Variants in FAM210A observed in about 807,000 individuals in gnomAD.
FAM210A encodes the protein mitochondrial inner membrane scaffold 1.
FAM210A carries 13 observed loss-of-function variants against 25.3 expected under a neutral mutation model. The ratio of observed to expected loss-of-function variants is 0.51; its 90% confidence interval spans 0.33 to 0.82. FAM210A has a LOEUF of 0.82. FAM210A is among the 40% of genes least tolerant of loss of function. The pLI, the probability that FAM210A is intolerant of heterozygous loss-of-function variation, is 0.02. For synonymous variants in FAM210A, 125 were observed against 118.7 expected (o/e 1.05, Z -0.35); for missense variants, 319 against 323.2 (o/e 0.99, Z 0.10).
Position 13,664,879 on chromosome 18 carries a change from A to G in FAM210A, c.*1601T>C, listed in dbSNP as rs1369980775. 3 of 152,316 alleles carry G rather than the reference A, an allele frequency of 2.0e-5. No individual in the cohort carries two copies. The highest frequency in any genetic ancestry group is 4.4e-5 in the Non-Finnish European group (3 of 68,040). 9.4% of individuals were successfully genotyped at this position (152,316 alleles called of 1,614,324 possible). On this transcript the variant is annotated 3_prime_UTR_variant, in exon 4 of 4. Transcript: ENST00000651643. ...AGACATTCTCTCGCCTTAGCAGATA[A>G]GTCAAAACAAGGACAATCTAAGAGG...
In FAM210A at chr18:13,666,624, C is replaced by T. The variant is rs773350410; in HGVS notation, c.675G>A (p.Pro225=). The change falls in exon 4 of 4, where the codon CCG becomes CCA. Residue 225 remains proline, a synonymous_variant. Coordinates refer to ENST00000651643, the MANE Select transcript of FAM210A (RefSeq NM_152352.4). ...CCTGCAGATACTCCTTGACGGGTGGCGGCGTGGACATGTAGCCATGACTGC... is the reference window on the plus strand; with the variant it reads ...CCTGCAGATACTCCTTGACGGGTGGTGGCGTGGACATGTAGCCATGACTGC... ...YLRSHGYMST[P]PPVKEYLQDR... is the part of the protein sequence containing the mutation. 35 of 1,614,062 alleles carry T rather than the reference C, an allele frequency of 2.2e-5. No homozygotes were observed. The East Asian group carries it at 3.1e-4, about 14-fold the overall frequency.
At chr18:13,669,829 T>C (rs1043619882) in intron 3 of FAM210A, among the ~76,000 whole-genome samples, 1 of 152,028 alleles carries the variant, frequency 6.6e-6, no homozygotes, top group African/African-American at 2.4e-5. Flanking sequence ...AGGCAGTCAG[T>C]GAATATATCC....
intron 2 of FAM210A, among the ~76,000 whole-genome samples, chr18:13,677,472 C>G (rs566445862): frequency 6.6e-6 from 1 of 152,248 alleles, no homozygotes; most frequent in Non-Finnish European, 1.5e-5. Flanking sequence ...GCTGCATGCA[C>G]CAGTAATCAG....
chr18:13,666,743 A>C (rs1393792545), intron 3 of FAM210A, 30 bp from the exon 4 acceptor site: 5 of 1,581,406 alleles, frequency 3.2e-6, no homozygotes, highest in South Asian at 1.1e-5. Context: ...GAGGCAAATC[A>C]AAACCTGGTT....
chr18:13,697,497 A>T (rs1183837457), intron 1 of FAM210A: 1 of 171,966 alleles, frequency 5.8e-6, no homozygotes, highest in Non-Finnish European at 1.2e-5. Context: ...TGGTGCAGCC[A>T]CTTTGGAAGA....
rs144783520 is a variant in FAM210A, at chr18:13,695,829, T to A, written c.-28-13724A>T. ...ATACATATGTAACAAACCGGCACGT[T>A]GTGCACATGTACCCTAGAACTTAAA... On this transcript the variant is annotated intron_variant, in intron 1 of 3. Coordinates refer to ENST00000651643, the MANE Select transcript of FAM210A (RefSeq NM_152352.4). 2.2e-4 allele frequency among the ~76,000 whole-genome samples: 33 copies of A among 152,238 alleles called. No homozygotes were observed. The East Asian group carries it at 2.7e-3, about 12-fold the overall frequency.
rs998199405 is a variant in FAM210A at position 13,701,102 on chromosome 18, G to C, written c.-28-18997C>G. ...CCTAAGTTTTTAACAGATGGTGTCA[G>C]AAGTGGGATCTGAAATAGAGCTTCT... On this transcript the variant is annotated intron_variant, in intron 1 of 3. Coordinates refer to ENST00000651643, the MANE Select transcript of FAM210A (RefSeq NM_152352.4). Among the ~76,000 whole-genome samples the C allele has an allele frequency of 2.6e-5, 4 of 152,218 alleles. 1 individual carries two copies. The highest frequency in any genetic ancestry group is 9.6e-5 in the African/African-American group (4 of 41,456).
At chr18:13,721,109 T>C (rs1303520965) in intron 1 of FAM210A, among the ~76,000 whole-genome samples, 1 of 152,144 alleles carries the variant, frequency 6.6e-6, no homozygotes, top group East Asian at 1.9e-4. Context: ...ATCCAATACA[T>C]AAATTTTTAG....
chr18:13,716,901 G>T (rs1490265865), intron 1 of FAM210A, among the ~76,000 whole-genome samples: 1 of 152,150 alleles, frequency 6.6e-6, no homozygotes, highest in Non-Finnish European at 1.5e-5. Context: ...TATTTTTACA[G>T]CAGTGTGAGA....
At chr18:13,725,211 A>G (rs2149073952) in intron 1 of FAM210A, among the ~76,000 whole-genome samples, 1 of 152,250 alleles carries the variant, frequency 6.6e-6, no homozygotes, top group South Asian at 2.1e-4. Flanking sequence ...ATATGCCTAT[A>G]ATGCATTCGA....
intron 2 of FAM210A, among the ~76,000 whole-genome samples, chr18:13,680,207 C>T (rs147023045): frequency 1.3e-5 from 2 of 152,232 alleles, no homozygotes; most frequent in East Asian, 1.9e-4. Context: ...GGACTGAATG[C>T]CTACAATAAC....
At chr18:13,685,517 T>C (rs1177559454) in intron 1 of FAM210A, among the ~76,000 whole-genome samples, 1 of 152,192 alleles carries the variant, frequency 6.6e-6, no homozygotes, top group African/African-American at 2.4e-5. Flanking sequence ...ACCCCTTATC[T>C]TAATTCAGAC....
At chr18:13,668,539 T>C (rs760598946) in intron 3 of FAM210A, among the ~76,000 whole-genome samples, 2 of 152,204 alleles carry the variant, frequency 1.3e-5, no homozygotes, top group Non-Finnish European at 2.9e-5. Context: ...CCACCTCCAT[T>C]TGCATATCTA....
intron 1 of FAM210A, chr18:13,714,963 T>C (rs1054358327): frequency 1.3e-5 from 2 of 152,182 alleles, no homozygotes; most frequent in African/African-American, 4.8e-5. Context: ...AAGAAATTCC[T>C]AGGAGTAGTA....
intron 2 of FAM210A, among the ~76,000 whole-genome samples, chr18:13,676,566 C>T (rs534631955): frequency 1.8e-4 from 27 of 152,340 alleles, no homozygotes; most frequent in African/African-American, 6.3e-4. Flanking sequence ...TGTGACCCTT[C>T]GCCCCTAAAT....
chr18:13,720,699 T>TA (rs200950279), intron 1 of FAM210A, among the ~76,000 whole-genome samples: 4,437 of 152,316 alleles, frequency 0.029, 77 homozygotes, highest in Middle Eastern at 0.061. Flanking sequence ...TCAGGGTCTC[T>TA]ATTTGTTTGC....
chr18:13,704,452 A>G (rs894602191), intron 1 of FAM210A, among the ~76,000 whole-genome samples: 2 of 152,212 alleles, frequency 1.3e-5, no homozygotes, highest in Admixed American at 6.5e-5. Context: ...TTTCACAAAA[A>G]TTGCAAAGGG....
chr18:13,695,424 T>C (rs960936074), intron 1 of FAM210A, among the ~76,000 whole-genome samples: 1 of 152,230 alleles, frequency 6.6e-6, no homozygotes. Context: ...CGTATGTTTA[T>C]TGTGGCGCTA....
rs1451036515 is a variant in FAM210A, at chr18:13,666,527, A to G, written c.772T>C (p.Leu258=). Residue 258 remains leucine (L), a synonymous_variant, in exon 4 of 4, where the codon TTA becomes CTA. Coordinates refer to ENST00000651643, the MANE Select transcript of FAM210A (RefSeq NM_152352.4). ...GAAACTTTTTCTTTGGTTTCTTGTA[A>G]CTTTTCAGTGAGTCTATCTTTTGTT... is the stretch of plus-strand genomic sequence containing the variant. ...EETKDRLTEK[L]QETKEKVSFK... is the part of the protein sequence containing the mutation. The G allele has an allele frequency of 1.2e-6, 2 of 1,613,872 alleles. No individual in the cohort carries two copies. The highest frequency in any genetic ancestry group is 2.2e-5 in the East Asian group (1 of 44,892).
Sources: gnomAD v4.1 joint callset for allele counts (sites outside exome capture counted in the v4.1 genomes callset) on GRCh38, gnomAD v4.1.1 for gene constraint, MANE v1.5 for transcripts, NCBI Gene and HGNC (gene_info 2026-07-23, HGNC 2026-07-21) for gene names.